The following AGBL4 variants were observed in gnomAD, a reference collection of about 807,000 sequenced individuals.
AGBL4 encodes cytosolic carboxypeptidase 6.
Under a neutral mutation model 66.4 loss-of-function variants are expected in AGBL4, and 58 were observed. That is an observed-to-expected ratio of 0.87 (90% CI 0.71 to 1.09). The LOEUF is 1.09. Among genes scored for constraint, AGBL4 ranks in the 50% least tolerant of loss-of-function variants. AGBL4 has a pLI of 0.00. For missense variants in AGBL4, 579 were observed against 631.0 expected, an observed-to-expected ratio of 0.92 and a Z score of 0.88; for synonymous variants, 234 against 222.9, an observed-to-expected ratio of 1.05 and a Z score of -0.44.
intron 7 of AGBL4, among the ~76,000 whole-genome samples, chr1:48,661,423 G>A (rs1273597108): frequency 6.6e-6 from 1 of 152,268 alleles, no homozygotes; most frequent in African/African-American, 2.4e-5. Flanking sequence ...CTGAGTGTAT[G>A]AGGCTGAGGC....
chr1:49,189,110 A>G (rs1415156450), intron 4 of AGBL4, among the ~76,000 whole-genome samples: 1 of 152,212 alleles, frequency 6.6e-6, no homozygotes. Context: ...CCACACAGCC[A>G]GTGAGCATCC....
At chr1:48,846,155 C>T (rs6704208) in intron 6 of AGBL4, among the ~76,000 whole-genome samples, 137,166 of 151,984 alleles carry the variant, frequency 0.9, 62,267 homozygotes, top group Non-Finnish European at 0.96. Context: ...CAAAACACAT[C>T]ATTTAGACTA....
chr1:48,553,386 T>C (rs1644277525), intron 11 of AGBL4, among the ~76,000 whole-genome samples: 1 of 152,142 alleles, frequency 6.6e-6, no homozygotes, highest in Admixed American at 6.5e-5. Flanking sequence ...AAAGTAAATA[T>C]TTGCATAGCA....
intron 1 of AGBL4, among the ~76,000 whole-genome samples, chr1:49,888,805 C>T (rs1648334220): frequency 6.6e-6 from 1 of 152,160 alleles, no homozygotes; most frequent in African/African-American, 2.4e-5. Context: ...TTTGGGTTTT[C>T]TGTAAAATGG....
chr1:48,685,472 A>G (rs911393450), intron 6 of AGBL4, among the ~76,000 whole-genome samples: 4 of 152,126 alleles, frequency 2.6e-5, no homozygotes, highest in African/African-American at 9.7e-5. Flanking sequence ...TCATCTCAGG[A>G]AGCCTTGTCA....
intron 9 of AGBL4, among the ~76,000 whole-genome samples, chr1:48,593,100 C>T (rs2627756): frequency 0.28 from 42,194 of 151,976 alleles, 6,107 homozygotes; most frequent in South Asian, 0.34. Context: ...TTCTACCAGT[C>T]ACCCAGTTTT....
chr1:49,491,653 G>A (rs369496412), intron 3 of AGBL4, among the ~76,000 whole-genome samples: 2 of 151,854 alleles, frequency 1.3e-5, no homozygotes, highest in African/African-American at 4.8e-5. Context: ...CTCAGAAAAG[G>A]CTGGCTTAAT....
At chr1:48,726,474 T>G (rs190690791) in intron 6 of AGBL4, among the ~76,000 whole-genome samples, 1 of 152,230 alleles carries the variant, frequency 6.6e-6, no homozygotes, top group Non-Finnish European at 1.5e-5. Context: ...AACTTTACTT[T>G]GTGAAATGAG....
At chr1:49,606,331 T>C (rs1394415008) in intron 3 of AGBL4, among the ~76,000 whole-genome samples, 1 of 152,118 alleles carries the variant, frequency 6.6e-6, no homozygotes, top group African/African-American at 2.4e-5. Flanking sequence ...TGATGCTATA[T>C]CTAAAGATCC....
At chr1:48,948,069 T>C (rs1245928341) in intron 5 of AGBL4, among the ~76,000 whole-genome samples, 8 of 152,142 alleles carry the variant, frequency 5.3e-5, no homozygotes, top group South Asian at 2.1e-4. Flanking sequence ...GAAAGCAAGA[T>C]GATTTTTCAC....
rs1644959548 is a variant in AGBL4 at position 49,395,838 on chromosome 1, TATATATATATAC to T, written c.283-149986_283-149975del. 1.2e-4 allele frequency among the ~76,000 whole-genome samples: 10 copies of T among 81,444 alleles called. No homozygotes were observed. The Admixed American group carries it at 1.5e-3, about 12-fold the overall frequency. The allele number at this position is 81,444 out of a possible 152,430, so 53.4% of individuals were successfully genotyped here. On this transcript the variant is annotated intron_variant, in intron 3 of 13. Transcript: ENST00000371839. ...ATACATATATATATATGTGTATATATATATATATATACACACATAAATATATATATATATATA... is the reference window on the plus strand; with the variant it reads ...ATACATATATATATATGTGTATATATACACATAAATATATATATATATATA...
chr1:48,711,612 G>A lies in AGBL4; in HGVS notation c.635-48371C>T, dbSNP rs78163909. Among the ~76,000 whole-genome samples, 1,001 of 152,168 alleles carry A rather than the reference G, an allele frequency of 6.6e-3. 15 individuals are homozygous for A. The highest frequency in any genetic ancestry group is 0.023 in the African/African-American group (941 of 41,500). ...CTCACCCCCGGGGCTGGATCTGCAC[G>A]GTGTTGCCTGCCTGGGTCGAGTATG... On this transcript the variant is annotated intron_variant, in intron 6 of 13. Coordinates refer to ENST00000371839, the MANE Select transcript of AGBL4 (RefSeq NM_032785.4).
At chr1:49,740,584 C>A (rs1196860286) in intron 2 of AGBL4, among the ~76,000 whole-genome samples, 11 of 152,178 alleles carry the variant, frequency 7.2e-5, no homozygotes, top group East Asian at 1.9e-4. Flanking sequence ...CACCCCAAAT[C>A]AACAGAATAT....
At chr1:49,284,590 G>C (rs950018464) in intron 3 of AGBL4, among the ~76,000 whole-genome samples, 1 of 152,162 alleles carries the variant, frequency 6.6e-6, no homozygotes, top group Non-Finnish European at 1.5e-5. Context: ...ATTGGATAAA[G>C]ACTCAAGATC....
chr1:49,485,798 G>A (rs1647054158), intron 3 of AGBL4, among the ~76,000 whole-genome samples: 1 of 151,814 alleles, frequency 6.6e-6, no homozygotes, highest in South Asian at 2.1e-4. Context: ...ACAGAGGATA[G>A]AAGGATAGTT....
rs1572077318 is a variant in AGBL4, at chr1:50,023,800, T to G, written c.-4A>C. On this transcript the variant is annotated 5_prime_UTR_variant, in exon 1 of 14. Coordinates refer to ENST00000371839, the MANE Select transcript of AGBL4 (RefSeq NM_032785.4). ...CCGACTGGCTCCCCTCCGCCATTTT[T>G]GTTGTCCCTCAGTCTCCGAGCTCAC... The G allele has an allele frequency of 6.5e-7, 1 of 1,549,156 alleles. No homozygotes were observed. Among genetic ancestry groups the G allele is most frequent in the African/African-American group, 1.4e-5 (1 of 72,892 alleles).
chr1:49,179,812 A>G (rs998888162), intron 4 of AGBL4, among the ~76,000 whole-genome samples: 4 of 152,234 alleles, frequency 2.6e-5, no homozygotes, highest in African/African-American at 9.6e-5. Flanking sequence ...TCAGGCTTTC[A>G]GCCACACTGC....
chr1:49,001,888 C>T (rs1661419175), intron 5 of AGBL4, among the ~76,000 whole-genome samples: 1 of 152,158 alleles, frequency 6.6e-6, no homozygotes, highest in Non-Finnish European at 1.5e-5. Context: ...TTTACCAGTA[C>T]CCTGCCATTG....
intron 3 of AGBL4, among the ~76,000 whole-genome samples, chr1:49,444,013 T>C (rs896500614): frequency 3.3e-5 from 5 of 151,970 alleles, no homozygotes; most frequent in Non-Finnish European, 7.4e-5. Context: ...TTTTAATTTC[T>C]TCATTGAACT....
Sources: allele counts gnomAD v4.1 joint callset (sites outside exome capture counted in the v4.1 genomes callset), GRCh38; gene constraint gnomAD v4.1.1; transcripts MANE v1.5; gene names NCBI Gene and HGNC (gene_info 2026-07-23, HGNC 2026-07-21).